Variants in AXIN1 observed in about 807,000 individuals in gnomAD.
The protein encoded by AXIN1 is axin 1, also known as axin-1.
Under a neutral mutation model 76.4 loss-of-function variants are expected in AXIN1, and 30 were observed. The ratio of observed to expected loss-of-function variants is 0.39; its 90% CI spans 0.29 to 0.53. The LOEUF (loss-of-function observed/expected upper bound fraction) is 0.53, where lower values mean the gene tolerates loss of function less well. AXIN1 is among the 20% of genes least tolerant of loss of function. AXIN1 has a pLI of 0.66. For missense variants in AXIN1, 1,140 were observed against 1,198.8 expected (o/e 0.95, Z 0.72); for synonymous variants, 545 against 501.4 (o/e 1.09, Z -1.16).
chr16:306,249 T>C lies in AXIN1; in HGVS notation c.1117-1808A>G, dbSNP rs562360569. Among the ~76,000 whole-genome samples the C allele has an allele frequency of 7.9e-5, 12 of 152,254 alleles. No individual in the cohort carries two copies. The East Asian group carries it at 2.1e-3, about 27-fold the overall frequency. ...TTTAACAAAAGCAAGGTCGCTCTCA[T>C]ACCTAACCACAGTACAAATATGGAT... On this transcript the variant is annotated intron_variant, in intron 4 of 10. Transcript: ENST00000262320.
intron 8 of AXIN1, chr16:292,516 AG>A (rs1185747109): frequency 6.6e-6 from 1 of 152,224 alleles, no homozygotes; most frequent in Non-Finnish European, 1.5e-5. Flanking sequence ...GGAGTGGCAC[AG>A]CCCCAAAGCT....
Position 287,851 on chromosome 16 carries a change from C to T in AXIN1, c.*271G>A. ...ATGGGGGGGGGTCACCTGAAGCTGG[C>T]AGCAGGGACCTCGGCTGCCTCACTT... On this transcript the variant is annotated 3_prime_UTR_variant, in exon 11 of 11. Transcript: ENST00000262320. 1 of 549,590 alleles carries T rather than the reference C, an allele frequency of 1.8e-6. No individual in the cohort carries two copies. Among genetic ancestry groups the T allele is most frequent in the South Asian group, 2.0e-5 (1 of 50,022 alleles). The allele number at this position is 549,590 out of a possible 1,614,324, so 34.0% of individuals were successfully genotyped here.
At chr16:315,955 A>G (rs1402211461) in intron 2 of AXIN1, among the ~76,000 whole-genome samples, 3 of 152,036 alleles carry the variant, frequency 2.0e-5, no homozygotes, top group African/African-American at 7.2e-5. Flanking sequence ...TGGGAGGCTG[A>G]GGCAAGAGAA....
intron 3 of AXIN1, among the ~76,000 whole-genome samples, chr16:311,190 C>T (rs560219533): frequency 9.2e-4 from 139 of 151,828 alleles, no homozygotes; most frequent in African/African-American, 3.2e-3. Context: ...CCACCACGCC[C>T]GGCTAATTTT....
rs558110455 is a variant in AXIN1, at chr16:346,035, G to A, written c.878+113C>T. The A allele has an allele frequency of 2.5e-5, 26 of 1,022,300 alleles. No individual in the cohort carries two copies. The East Asian group carries it at 5.2e-4, about 20-fold the overall frequency. The allele number at this position is 1,022,300 out of a possible 1,614,324, so 63.3% of individuals were successfully genotyped here. A position where few individuals can be genotyped will look rare whatever the true frequency, so the allele number is the denominator to read the frequency against. ...AACAGAACCAAAATTCAACCCCAGCGGCAGCAGGACATCCGGTGTGGGTTA... is the reference window on the plus strand; with the variant it reads ...AACAGAACCAAAATTCAACCCCAGCAGCAGCAGGACATCCGGTGTGGGTTA... On this transcript the variant is annotated intron_variant, in intron 2 of 10. Coordinates refer to ENST00000262320, the MANE Select transcript of AXIN1 (RefSeq NM_003502.4).
chr16:334,907 G>A (rs1228463718), intron 2 of AXIN1, among the ~76,000 whole-genome samples: 1 of 151,968 alleles, frequency 6.6e-6, no homozygotes. Flanking sequence ...CCACTCACTA[G>A]AGAGAAACAC....
In AXIN1 at chr16:306,097, C is replaced by T. The variant is rs180752181; in HGVS notation, c.1117-1656G>A. Among the ~76,000 whole-genome samples the T allele has an allele frequency of 2.0e-5, 3 of 152,262 alleles. No individual in the cohort carries two copies. In the East Asian group the frequency reaches 5.8e-4, roughly 29 times the overall value. ...CATTCTGCCATAACTGCTTTATCATCCCCTTACCGGCAGGCACATGCGTAC... is the reference window on the plus strand; with the variant it reads ...CATTCTGCCATAACTGCTTTATCATTCCCTTACCGGCAGGCACATGCGTAC... On this transcript the variant is annotated intron_variant, in intron 4 of 10. Coordinates refer to ENST00000262320, the MANE Select transcript of AXIN1 (RefSeq NM_003502.4).
intron 5 of AXIN1, among the ~76,000 whole-genome samples, chr16:299,836 T>C (rs144071006): frequency 0.019 from 2,897 of 150,956 alleles, 42 homozygotes; most frequent in South Asian, 0.055. Context: ...TTTATATTTT[T>C]AGTAGAGATG....
intron 1 of AXIN1, among the ~76,000 whole-genome samples, chr16:351,749 T>A (rs2885414): frequency 0.014 from 1,273 of 87,822 alleles, 14 homozygotes; most frequent in African/African-American, 0.036. Context: ...CTACAAAAAA[T>A]ATATATATAT....
intron 3 of AXIN1, 127 bp from the exon 4 acceptor site, chr16:310,196 ACT>A: frequency 1.3e-6 from 1 of 784,046 alleles, no homozygotes; most frequent in Non-Finnish European, 2.2e-6. Context: ...AGCCACCACC[ACT>A]GAGACACGTG....
chr16:322,530 G>A (rs115980249), intron 2 of AXIN1, among the ~76,000 whole-genome samples: 4,473 of 152,330 alleles, frequency 0.029, 104 homozygotes, highest in Middle Eastern at 0.058. Flanking sequence ...TGGGCACAGA[G>A]GCAGAATCCC....
chr16:289,786 C>A (rs898006708), intron 9 of AXIN1, 179 bp from the exon 10 acceptor site: 14 of 760,578 alleles, frequency 1.8e-5, no homozygotes, highest in Non-Finnish European at 3.0e-5. Context: ...ATCTAGTCCG[C>A]TAGCAGTGGA....
intron 10 of AXIN1, 25 bp downstream of exon 10, chr16:289,415 G>A (rs387467): frequency 6.2e-7 from 1 of 1,612,046 alleles, no homozygotes; most frequent in Non-Finnish European, 8.5e-7. Context: ...GTGCGGGGAG[G>A]GGGCACCCCA....
intron 2 of AXIN1, among the ~76,000 whole-genome samples, chr16:326,258 T>C (rs1451035368): frequency 7.2e-6 from 1 of 138,718 alleles, no homozygotes; most frequent in Non-Finnish European, 1.5e-5. Context: ...GGAGGCTGAG[T>C]CAGGAGAATC....
At chr16:299,946 T>C (rs908493013) in intron 5 of AXIN1, among the ~76,000 whole-genome samples, 20 of 149,936 alleles carry the variant, frequency 1.3e-4, no homozygotes, top group Admixed American at 3.3e-4. Flanking sequence ...TGAGCCACCG[T>C]GCCCGGCCTA....
intron 2 of AXIN1, among the ~76,000 whole-genome samples, chr16:336,486 C>G (rs570756257): frequency 6.6e-6 from 1 of 152,088 alleles, no homozygotes; most frequent in Non-Finnish European, 1.5e-5. Context: ...TAGATGAGAA[C>G]GCAAACGTGG....
chr16:327,973 G>A (rs545118284), intron 2 of AXIN1, among the ~76,000 whole-genome samples: 2 of 152,352 alleles, frequency 1.3e-5, no homozygotes, highest in African/African-American at 4.8e-5. Context: ...ACCAGGCTGG[G>A]GACAGTGGCT....
chr16:340,377 A>G (rs2053892780), intron 2 of AXIN1, among the ~76,000 whole-genome samples: 2 of 152,230 alleles, frequency 1.3e-5, no homozygotes, highest in African/African-American at 4.8e-5. Context: ...CCCTGTCCCC[A>G]GTCATCAAGG....
chr16:316,130 C>CA (rs1161301918), intron 2 of AXIN1, among the ~76,000 whole-genome samples: 1 of 152,152 alleles, frequency 6.6e-6, no homozygotes, highest in Admixed American at 6.5e-5. Context: ...TTTGGAAACA[C>CA]AGTCCTTCCT....
Sources: allele counts gnomAD v4.1 joint callset (sites outside exome capture counted in the v4.1 genomes callset), GRCh38; gene constraint gnomAD v4.1.1; transcripts MANE v1.5; gene names NCBI Gene and HGNC (gene_info 2026-07-23, HGNC 2026-07-21).